COX16: variants seen among roughly 807,000 people sequenced by gnomAD.
COX16 encodes the protein cytochrome c oxidase assembly factor COX16, also known as cytochrome c oxidase assembly protein COX16 homolog, mitochondrial.
A neutral mutation model predicts 15.4 loss-of-function variants in COX16; 12 were observed. The observed-to-expected ratio is 0.78, with a 90% CI of 0.50 to 1.26. COX16 has a LOEUF of 1.26. COX16 is among the 50% of genes most tolerant of loss of function. The probability of loss-of-function intolerance (pLI) is 0.00; values close to 1 mark genes in which losing one functional copy is unlikely to be tolerated. For synonymous variants in COX16, 46 were observed against 41.1 expected, an observed-to-expected ratio of 1.12 and a Z score of -0.46; for missense variants, 124 against 127.6, an observed-to-expected ratio of 0.97 and a Z score of 0.14.
At chr14:70,351,104 GAGCCCTCATTAGGGT>G (rs1396351611) in intron 1 of COX16, among the ~76,000 whole-genome samples, 1 of 152,164 alleles carries the variant, frequency 6.6e-6, no homozygotes, top group East Asian at 1.9e-4. Context: ...AAGGGGTAGG[GAGCCCTCATTAGGGT>G]AGTATTTTGC....
chr14:70,337,415 C>G (rs976141530), intron 2 of COX16, among the ~76,000 whole-genome samples: 1 of 152,048 alleles, frequency 6.6e-6, no homozygotes, highest in Non-Finnish European at 1.5e-5. Flanking sequence ...GAAGTCAAGC[C>G]AGGACCTGGC....
chr14:70,352,167 T>C (rs2140747657), intron 1 of COX16, among the ~76,000 whole-genome samples: 1 of 152,328 alleles, frequency 6.6e-6, no homozygotes, highest in South Asian at 2.1e-4. Context: ...TAGTATATAA[T>C]ACTGGTCTGT....
chr14:70,354,052 C>T (rs568661021), intron 1 of COX16, among the ~76,000 whole-genome samples: 1 of 152,104 alleles, frequency 6.6e-6, no homozygotes, highest in South Asian at 2.1e-4. Context: ...TAGCTTATCC[C>T]TGTAATCCCA....
chr14:70,338,635 T>C (rs922335265), intron 2 of COX16, among the ~76,000 whole-genome samples: 5 of 152,162 alleles, frequency 3.3e-5, no homozygotes, highest in South Asian at 2.1e-4. Flanking sequence ...ATCAGAAAAA[T>C]GTCACTTTAG....
chr14:70,334,670 G>GT (rs1399406147), intron 2 of COX16, among the ~76,000 whole-genome samples: 4 of 152,086 alleles, frequency 2.6e-5, no homozygotes, highest in Non-Finnish European at 5.9e-5. Flanking sequence ...GATGTTTTCT[G>GT]TAAGCCTTGA....
chr14:70,332,071 A>G (rs1411041379), intron 2 of COX16, among the ~76,000 whole-genome samples: 1 of 152,254 alleles, frequency 6.6e-6, no homozygotes, highest in Non-Finnish European at 1.5e-5. Context: ...GGGCTTAGCT[A>G]TAGCCCCATT....
At chr14:70,357,952 T>C (rs773281563) in intron 1 of COX16, among the ~76,000 whole-genome samples, 60 of 152,230 alleles carry the variant, frequency 3.9e-4, no homozygotes, top group Non-Finnish European at 1.0e-4. Flanking sequence ...TAAATGTTCA[T>C]AGCAGCATTA....
At chr14:70,328,871 G>C (rs1217604909) in intron 3 of COX16, among the ~76,000 whole-genome samples, 3 of 151,320 alleles carry the variant, frequency 2.0e-5, no homozygotes, top group Non-Finnish European at 4.4e-5. Context: ...AGAGCTTCTG[G>C]GTTTTATATC....
chr14:70,356,785 T>C (rs1192626000), intron 1 of COX16, among the ~76,000 whole-genome samples: 4 of 151,844 alleles, frequency 2.6e-5, no homozygotes, highest in Admixed American at 6.6e-5. Flanking sequence ...TTGTAAAAAA[T>C]TGTCAAATAA....
chr14:70,336,246 ACTT>A (rs1356104179), intron 2 of COX16, among the ~76,000 whole-genome samples: 8 of 149,042 alleles, frequency 5.4e-5, no homozygotes, highest in Admixed American at 2.1e-4. Flanking sequence ...ACAGAGTGAG[ACTT>A]CGTCTCAAAA....
chr14:70,337,947 C>A (rs1006407388), intron 2 of COX16, among the ~76,000 whole-genome samples: 3 of 151,784 alleles, frequency 2.0e-5, no homozygotes, highest in African/African-American at 4.8e-5. Context: ...ATTGAAAAAT[C>A]ATAATAGAAA....
chr14:70,352,646 T>C (rs1472560861), intron 1 of COX16, among the ~76,000 whole-genome samples: 4 of 14,062 alleles, frequency 2.8e-4, no homozygotes, highest in East Asian at 0.011. Flanking sequence ...TTTTTTTTTC[T>C]TTTTTTTTTT....
intron 1 of COX16, among the ~76,000 whole-genome samples, chr14:70,348,338 C>T (rs528676823): frequency 7.9e-5 from 12 of 152,306 alleles, no homozygotes; most frequent in African/African-American, 2.9e-4. Flanking sequence ...CATAGAAACC[C>T]CCCAAATCAC....
In COX16 at chr14:70,325,748, A is replaced by AAAT. The variant is rs915370874; in HGVS notation, c.*582_*584dup. 6.6e-6 allele frequency: 1 copy of AAAT among 152,148 alleles called. No individual in the cohort carries two copies. The highest frequency in any genetic ancestry group is 6.5e-5 in the Admixed American group (1 of 15,276). The allele number at this position is 152,148 out of a possible 1,614,324, so 9.4% of individuals were successfully genotyped here. The stretch of plus-strand genomic sequence containing the variant: ...CTACTTCATAATTTTTGACAACCAT[A>AAAT]AATAATATAATTTCCTTGACATGTT... On this transcript the variant is annotated 3_prime_UTR_variant, in exon 4 of 4. Transcript: ENST00000389912.
chr14:70,332,302 A>G (rs1348567901), intron 2 of COX16, among the ~76,000 whole-genome samples: 1 of 152,226 alleles, frequency 6.6e-6, no homozygotes, highest in African/African-American at 2.4e-5. Context: ...GCAGCCCAGG[A>G]GTATAGGCCT....
At chr14:70,342,556 G>T in intron 2 of COX16, 102 bp downstream of exon 2, 1 of 1,129,804 alleles carries the variant, frequency 8.9e-7, no homozygotes, top group Non-Finnish European at 1.2e-6. Flanking sequence ...GTGTTGAAAA[G>T]CAAGACAAAC....
At position 70,353,241 on chromosome 14, in the gene COX16, C is replaced by T. The variant is rs191291769; in HGVS notation, c.69+6278G>A. ...GCGCCACTGTACTCCAGCCTGGTGA[C>T]AGAGTGAGACTCTGTCAAAAAAAAA... is the stretch of plus-strand genomic sequence containing the variant. On this transcript the variant is annotated intron_variant, in intron 1 of 3. Coordinates refer to ENST00000389912, the MANE Select transcript of COX16 (RefSeq NM_016468.7). Among the ~76,000 whole-genome samples, 309 of 121,624 alleles carry T rather than the reference C, an allele frequency of 2.5e-3. 1 individual carries two copies. Among genetic ancestry groups the T allele is most frequent in the African/African-American group, 9.5e-3 (293 of 30,908 alleles). 79.8% of individuals were successfully genotyped at this position (121,624 alleles called of 152,430 possible). A position where few individuals can be genotyped will look rare whatever the true frequency, so the allele number is the denominator to read the frequency against.
Position 70,325,687 on chromosome 14 carries a change from C to T in COX16, c.*646G>A, listed in dbSNP as rs1392820366. 3 of 105,904 alleles carry T rather than the reference C, an allele frequency of 2.8e-5. No individual in the cohort carries two copies. Among genetic ancestry groups the T allele is most frequent in the Non-Finnish European group, 4.0e-5 (2 of 50,436 alleles). 6.6% of individuals were successfully genotyped at this position (105,904 alleles called of 1,614,324 possible). Reference sequence around the variant, plus strand: ...CAAAATGTAGTCATCTATGGATTTACTGAACAAATTTGCCATATCTGCTTA... The same window carrying T: ...CAAAATGTAGTCATCTATGGATTTATTGAACAAATTTGCCATATCTGCTTA... On this transcript the variant is annotated 3_prime_UTR_variant, in exon 4 of 4. Coordinates refer to ENST00000389912, the MANE Select transcript of COX16 (RefSeq NM_016468.7).
chr14:70,353,780 T>C (rs1257776940), intron 1 of COX16, among the ~76,000 whole-genome samples: 1 of 152,172 alleles, frequency 6.6e-6, no homozygotes, highest in Non-Finnish European at 1.5e-5. Context: ...CCCAAAGTGC[T>C]GGGATTACAG....
Sources: gnomAD v4.1 joint callset for allele counts (sites outside exome capture counted in the v4.1 genomes callset) on GRCh38, gnomAD v4.1.1 for gene constraint, MANE v1.5 for transcripts, NCBI Gene and HGNC (gene_info 2026-07-23, HGNC 2026-07-21) for gene names.